The following TSPAN5 variants were observed in gnomAD, a reference collection of about 807,000 sequenced individuals.
TSPAN5 encodes the protein tetraspanin 5.
A neutral mutation model predicts 37.1 loss-of-function variants in TSPAN5; 10 were observed. The ratio of observed to expected loss-of-function variants is 0.27; its 90% CI spans 0.17 to 0.46. TSPAN5 has a LOEUF of 0.46. TSPAN5 is among the 20% of genes least tolerant of loss of function. The pLI is 1.00. For synonymous variants in TSPAN5, 110 were observed against 118.9 expected (o/e 0.93, Z 0.48); for missense variants, 195 against 326.6 (o/e 0.60, Z 3.11).
intron 2 of TSPAN5, 70 bp downstream of exon 2, chr4:98,507,608 G>T: frequency 8.6e-7 from 1 of 1,169,174 alleles, no homozygotes. Flanking sequence ...AGAGAAAGGG[G>T]GATAATACAT....
chr4:98,628,657 C>T (rs1756663546), intron 1 of TSPAN5, among the ~76,000 whole-genome samples: 1 of 152,184 alleles, frequency 6.6e-6, no homozygotes, highest in African/African-American at 2.4e-5. Context: ...CTTTACCACA[C>T]TCCCCATCAC....
At chr4:98,550,625 C>A (rs1590080) in intron 1 of TSPAN5, among the ~76,000 whole-genome samples, 1 of 134,824 alleles carries the variant, frequency 7.4e-6, no homozygotes, top group Non-Finnish European at 1.6e-5. Context: ...TTTTTTTTTT[C>A]TGGTAGCTAT....
intron 4 of TSPAN5, among the ~76,000 whole-genome samples, chr4:98,480,839 TC>T (rs972855092): frequency 6.6e-6 from 1 of 152,128 alleles, no homozygotes; most frequent in Non-Finnish European, 1.5e-5. Context: ...GGGCTTAATT[TC>T]CCACTTAAGG....
intron 1 of TSPAN5, among the ~76,000 whole-genome samples, chr4:98,545,140 T>G (rs1373711810): frequency 1.3e-5 from 2 of 152,206 alleles, no homozygotes; most frequent in Non-Finnish European, 2.9e-5. Flanking sequence ...AAGACTAAGC[T>G]GAAATTACCA....
chr4:98,531,056 TTCTCTA>T (rs957950374), intron 1 of TSPAN5, among the ~76,000 whole-genome samples: 1 of 152,138 alleles, frequency 6.6e-6, no homozygotes, highest in African/African-American at 2.4e-5. Context: ...ACAGGCACAC[TTCTCTA>T]TTTTTATTTA....
chr4:98,575,150 T>A (rs1755205410), intron 1 of TSPAN5, among the ~76,000 whole-genome samples: 1 of 152,060 alleles, frequency 6.6e-6, no homozygotes, highest in Non-Finnish European at 1.5e-5. Flanking sequence ...GGCAAATTTT[T>A]AAAAATAAAG....
chr4:98,603,378 T>C (rs898776851), intron 1 of TSPAN5, among the ~76,000 whole-genome samples: 3 of 152,238 alleles, frequency 2.0e-5, no homozygotes, highest in Admixed American at 1.3e-4. Flanking sequence ...AAAGGACATT[T>C]ACCCTGGGCC....
At chr4:98,588,412 A>G (rs1333077535) in intron 1 of TSPAN5, among the ~76,000 whole-genome samples, 4 of 152,222 alleles carry the variant, frequency 2.6e-5, no homozygotes. Context: ...AAAAGTTAAC[A>G]ACATCCCTTT....
chr4:98,640,297 A>G (rs1457671660), intron 1 of TSPAN5, among the ~76,000 whole-genome samples: 1 of 152,228 alleles, frequency 6.6e-6, no homozygotes, highest in African/African-American at 2.4e-5. Context: ...TTCCTAGGCT[A>G]AGAAATTTAT....
chr4:98,612,128 T>C (rs1756210729), intron 1 of TSPAN5, among the ~76,000 whole-genome samples: 1 of 152,212 alleles, frequency 6.6e-6, no homozygotes, highest in African/African-American at 2.4e-5. Context: ...CTGACGTATA[T>C]TTTATTCCAA....
intron 1 of TSPAN5, among the ~76,000 whole-genome samples, chr4:98,527,682 GCT>G (rs1753989972): frequency 6.6e-6 from 1 of 152,142 alleles, no homozygotes; most frequent in Admixed American, 6.5e-5. Context: ...ACCCCTACGT[GCT>G]CTGTCTGATC....
intron 1 of TSPAN5, among the ~76,000 whole-genome samples, chr4:98,608,744 C>G (rs1756102717): frequency 6.6e-6 from 1 of 152,194 alleles, no homozygotes; most frequent in South Asian, 2.1e-4. Context: ...TTTTTAACCA[C>G]TAAAAACCTC....
At chr4:98,566,548 G>GA (rs1225695781) in intron 1 of TSPAN5, among the ~76,000 whole-genome samples, 1 of 152,162 alleles carries the variant, frequency 6.6e-6, no homozygotes, top group African/African-American at 2.4e-5. Flanking sequence ...GCAGCCATGG[G>GA]AAAAAAAGAT....
At chr4:98,604,852 T>G (rs1755968053) in intron 1 of TSPAN5, among the ~76,000 whole-genome samples, 1 of 152,196 alleles carries the variant, frequency 6.6e-6, no homozygotes, top group African/African-American at 2.4e-5. Context: ...ATTTGTCAGA[T>G]GTGAAAACCA....
At chr4:98,650,197 T>C (rs1347731861) in intron 1 of TSPAN5, among the ~76,000 whole-genome samples, 1 of 152,344 alleles carries the variant, frequency 6.6e-6, no homozygotes, top group East Asian at 1.9e-4. Context: ...AGTCTTATTT[T>C]ACATCATTCA....
chr4:98,631,856 T>C (rs1756755964), intron 1 of TSPAN5, among the ~76,000 whole-genome samples: 1 of 152,196 alleles, frequency 6.6e-6, no homozygotes, highest in African/African-American at 2.4e-5. Flanking sequence ...GACTCGGCCA[T>C]AATAGGCCTT....
intron 1 of TSPAN5, among the ~76,000 whole-genome samples, chr4:98,589,167 A>G (rs2110205121): frequency 6.6e-6 from 1 of 152,318 alleles, no homozygotes; most frequent in South Asian, 2.1e-4. Context: ...CATGCTGGAA[A>G]CAAGTGGAAA....
chr4:98,644,393 C>T lies in TSPAN5; in HGVS notation c.81+13753G>A, dbSNP rs1184833571. ...TGTTCACTGTTCTCGGAGCACCTGA[C>T]GAAGAGTTTCCACTTTTAATACAGT... On this transcript the variant is annotated intron_variant, in intron 1 of 7. Coordinates refer to ENST00000305798, the MANE Select transcript of TSPAN5 (RefSeq NM_005723.4). Among the ~76,000 whole-genome samples the T allele has an allele frequency of 4.6e-5, 7 of 151,736 alleles. 1 individual carries two copies. The highest frequency in any genetic ancestry group is 2.0e-4 in the Admixed American group (3 of 15,224).
chr4:98,624,519 G>GT (rs1050086654), intron 1 of TSPAN5, among the ~76,000 whole-genome samples: 1 of 152,126 alleles, frequency 6.6e-6, no homozygotes, highest in Non-Finnish European at 1.5e-5. Context: ...GTTTTTCTGT[G>GT]TTTTTTGTTT....
Sources: gnomAD v4.1 joint callset for allele counts (sites outside exome capture counted in the v4.1 genomes callset) on GRCh38, gnomAD v4.1.1 for gene constraint, MANE v1.5 for transcripts, NCBI Gene and HGNC (gene_info 2026-07-23, HGNC 2026-07-21) for gene names.